The following MGAT4C variants were observed in gnomAD, a reference collection of about 807,000 sequenced individuals.
MGAT4C encodes the protein MGAT4 family member C.
MGAT4C carries 19 observed loss-of-function variants against 40.1 expected under a neutral mutation model. The observed-to-expected ratio is 0.47, with a 90% CI of 0.33 to 0.70. MGAT4C has a LOEUF of 0.70. Among genes scored for constraint, MGAT4C ranks in the 30% least tolerant of loss-of-function variants. MGAT4C has a pLI of 0.02. For missense variants in MGAT4C, 491 were observed against 563.2 expected (o/e 0.87, Z 1.30); for synonymous variants, 181 against 187.1 (o/e 0.97, Z 0.27).
At chr12:86,194,206 T>C (rs1949706466) in intron 1 of MGAT4C, among the ~76,000 whole-genome samples, 1 of 152,194 alleles carries the variant, frequency 6.6e-6, no homozygotes, top group Admixed American at 6.5e-5. Flanking sequence ...GACAGTATCG[T>C]ATACCTTGTT....
At chr12:86,419,745 C>T in intron 3 of MGAT4C, among the ~76,000 whole-genome samples, 1 of 152,176 alleles carries the variant, frequency 6.6e-6, no homozygotes, top group East Asian at 1.9e-4. Flanking sequence ...AAAAATGAGA[C>T]CTAAACACTC....
At chr12:86,344,748 G>GTA (rs1013429878) in intron 3 of MGAT4C, among the ~76,000 whole-genome samples, 2 of 117,656 alleles carry the variant, frequency 1.7e-5, no homozygotes, top group African/African-American at 6.2e-5. Flanking sequence ...GTGTGTGTGT[G>GTA]TGTGTGTATG....
At chr12:86,335,621 T>G (rs1490071439) in intron 3 of MGAT4C, among the ~76,000 whole-genome samples, 1 of 152,136 alleles carries the variant, frequency 6.6e-6, no homozygotes, top group East Asian at 1.9e-4. Context: ...CAAAATTACC[T>G]GGTGACCATC....
chr12:86,089,914 T>A (rs1462451459), intron 1 of MGAT4C, among the ~76,000 whole-genome samples: 1 of 151,792 alleles, frequency 6.6e-6, no homozygotes, highest in Non-Finnish European at 1.5e-5. Context: ...TCCCATATTT[T>A]AAAATGCACT....
In MGAT4C at chr12:85,978,439, A is replaced by C. The variant is rs1884169939; in HGVS notation, c.*850T>G. On this transcript the variant is annotated 3_prime_UTR_variant, in exon 5 of 5. Coordinates refer to ENST00000611864, the MANE Select transcript of MGAT4C (RefSeq NM_001351288.2). ...TCAATCACATGGATTTTAATACAAA[A>C]TGTATAAAATCAATTTCCAAAAATT... 6.6e-6 allele frequency: 1 copy of C among 152,092 alleles called. No homozygotes were observed. Among genetic ancestry groups the C allele is most frequent in the Admixed American group, 6.6e-5 (1 of 15,182 alleles). 9.4% of individuals were successfully genotyped at this position (152,092 alleles called of 1,614,324 possible). A position where few individuals can be genotyped will look rare whatever the true frequency, so the allele number is the denominator to read the frequency against.
chr12:86,374,181 TATC>T (rs1189793495), intron 3 of MGAT4C, among the ~76,000 whole-genome samples: 1 of 152,112 alleles, frequency 6.6e-6, no homozygotes, highest in Non-Finnish European at 1.5e-5. Context: ...GTAGTGCAAG[TATC>T]ATCAGTGTGA....
In MGAT4C at chr12:86,433,357, C is replaced by T. The variant is rs111893821; in HGVS notation, c.-120+1800G>A. Among the ~76,000 whole-genome samples, 489 of 150,204 alleles carry T rather than the reference C, an allele frequency of 3.3e-3. 2 individuals are homozygous for T. The highest frequency in any genetic ancestry group is 0.012 in the African/African-American group (476 of 41,040). ...ACACACACGTGTATGTGTGTGTGTGCATATATATATACACAGAAGGATTTT... is the reference window on the plus strand; with the variant it reads ...ACACACACGTGTATGTGTGTGTGTGTATATATATATACACAGAAGGATTTT... On this transcript the variant is annotated intron_variant, in intron 3 of 7. Coordinates refer to the MGAT4C transcript ENST00000548651.
intron 2 of MGAT4C, among the ~76,000 whole-genome samples, chr12:86,647,334 C>T (rs1393333355): frequency 6.6e-6 from 1 of 151,864 alleles, no homozygotes; most frequent in Non-Finnish European, 1.5e-5. Flanking sequence ...TTTTCTTTTG[C>T]ATTCAAAATA....
chr12:86,439,955 A>G (rs532956264), intron 2 of MGAT4C, among the ~76,000 whole-genome samples: 22 of 152,230 alleles, frequency 1.4e-4, no homozygotes, highest in African/African-American at 4.1e-4. Flanking sequence ...CAGACCAATA[A>G]CAAGCAGTGT....
At chr12:86,289,228 A>G (rs761019641) in intron 4 of MGAT4C, among the ~76,000 whole-genome samples, 2 of 152,008 alleles carry the variant, frequency 1.3e-5, no homozygotes, top group Non-Finnish European at 1.5e-5. Context: ...GGCGCATGGC[A>G]TTATTTCTGG....
intron 4 of MGAT4C, among the ~76,000 whole-genome samples, chr12:86,266,055 T>A (rs556781233): frequency 6.6e-6 from 1 of 152,282 alleles, no homozygotes; most frequent in East Asian, 1.9e-4. Flanking sequence ...TTTAGGTTTT[T>A]CCACCTGTAA....
intron 1 of MGAT4C, among the ~76,000 whole-genome samples, chr12:86,737,553 T>G (rs1951006415): frequency 6.6e-6 from 1 of 151,328 alleles, no homozygotes; most frequent in African/African-American, 2.4e-5. Flanking sequence ...GAAGACAAAT[T>G]CCATGCCAGT....
chr12:86,346,756 C>A (rs1955042369), intron 3 of MGAT4C, among the ~76,000 whole-genome samples: 1 of 151,948 alleles, frequency 6.6e-6, no homozygotes, highest in Admixed American at 6.6e-5. Flanking sequence ...GAGGGTGTTG[C>A]CAAAAGAGAT....
At chr12:86,663,656 A>G (rs1206328508) in intron 2 of MGAT4C, among the ~76,000 whole-genome samples, 3 of 152,206 alleles carry the variant, frequency 2.0e-5, no homozygotes, top group Non-Finnish European at 2.9e-5. Flanking sequence ...ACTCAGGAAC[A>G]GAAATGTGAT....
intron 1 of MGAT4C, among the ~76,000 whole-genome samples, chr12:86,798,249 T>C (rs1197209103): frequency 4.6e-5 from 7 of 151,956 alleles, no homozygotes; most frequent in Non-Finnish European, 1.0e-4. Context: ...AATTTACTCA[T>C]TTTGTTTAGT....
At chr12:86,479,563 T>C (rs1957899310) in intron 2 of MGAT4C, among the ~76,000 whole-genome samples, 1 of 152,002 alleles carries the variant, frequency 6.6e-6, no homozygotes, top group Non-Finnish European at 1.5e-5. Flanking sequence ...AGCTATTTTT[T>C]TTATACTTGA....
At chr12:86,599,462 T>C (rs1258122263) in intron 2 of MGAT4C, 1 of 152,140 alleles carries the variant, frequency 6.6e-6, no homozygotes. Context: ...AAGATCAACA[T>C]TTTAAAACAT....
intron 2 of MGAT4C, among the ~76,000 whole-genome samples, chr12:86,680,298 A>T (rs1438281448): frequency 6.6e-6 from 1 of 152,032 alleles, no homozygotes; most frequent in East Asian, 1.9e-4. Flanking sequence ...TGAAAATTTT[A>T]CAATTTATTT....
intron 2 of MGAT4C, among the ~76,000 whole-genome samples, chr12:86,045,569 A>G (rs1418174388): frequency 6.6e-6 from 1 of 152,180 alleles, no homozygotes; most frequent in Non-Finnish European, 1.5e-5. Context: ...GAAAACACAA[A>G]AACAAAACCC....
Sources: gnomAD v4.1 joint callset for allele counts (sites outside exome capture counted in the v4.1 genomes callset) on GRCh38, gnomAD v4.1.1 for gene constraint, MANE v1.5 for transcripts, NCBI Gene and HGNC (gene_info 2026-07-23, HGNC 2026-07-21) for gene names.